ANKS1A: variants seen among roughly 807,000 people sequenced by gnomAD.
The protein encoded by ANKS1A is ankyrin repeat and SAM domain-containing protein 1A.
A neutral mutation model predicts 120.3 loss-of-function variants in ANKS1A; 55 were observed. That is an observed-to-expected ratio of 0.46 (90% confidence interval 0.37 to 0.57). The LOEUF is 0.57. Ranked by LOEUF, ANKS1A falls within the 20% of genes least tolerant of loss-of-function variation. The pLI, the probability that ANKS1A is intolerant of heterozygous loss-of-function variation, is 0.00. For synonymous variants in ANKS1A, 590 were observed against 604.7 expected (o/e 0.98, Z 0.36); for missense variants, 1,123 against 1,480.3 (o/e 0.76, Z 3.96).
intron 9 of ANKS1A, among the ~76,000 whole-genome samples, chr6:34,991,541 TAC>T (rs149416311): frequency 0.04 from 5,493 of 138,430 alleles, 410 homozygotes; most frequent in East Asian, 0.25. Flanking sequence ...AAAAAATATA[TAC>T]ACACACACAC....
rs146394927 is a variant in ANKS1A at position 34,977,732 on chromosome 6, C to T, written c.436-3958C>T. Among the ~76,000 whole-genome samples the T allele has an allele frequency of 7.3e-3, 1,116 of 152,186 alleles. 20 individuals are homozygous for T. The highest frequency in any genetic ancestry group is 0.026 in the African/African-American group (1,060 of 41,518). On this transcript the variant is annotated intron_variant, in intron 3 of 23. Transcript: ENST00000360359. ...TCCACATGATGGACTTGCTTTCATG[C>T]TTCTCCTGTGTCCTTTCAATCTCAG...
intron 12 of ANKS1A, among the ~76,000 whole-genome samples, chr6:35,056,960 C>G (rs1014818276): frequency 2.4e-4 from 37 of 151,888 alleles, no homozygotes; most frequent in African/African-American, 8.2e-4. Flanking sequence ...TTTATTTTGA[C>G]TGGTCAGTAT....
intron 11 of ANKS1A, among the ~76,000 whole-genome samples, chr6:35,035,675 C>T (rs1775129374): frequency 6.6e-6 from 1 of 152,220 alleles, no homozygotes; most frequent in Non-Finnish European, 1.5e-5. Context: ...TCAGAGGTTG[C>T]CAACCTGGGC....
intron 10 of ANKS1A, among the ~76,000 whole-genome samples, chr6:35,000,881 TA>T (rs910766742): frequency 3.6e-4 from 54 of 148,624 alleles, no homozygotes; most frequent in Non-Finnish European, 4.0e-4. Flanking sequence ...ATGTTAATTG[TA>T]AAAAAAAAAA....
intron 11 of ANKS1A, among the ~76,000 whole-genome samples, chr6:35,018,292 G>C (rs1312723782): frequency 6.6e-6 from 1 of 152,238 alleles, no homozygotes; most frequent in African/African-American, 2.4e-5. Flanking sequence ...CCCCAGCAGA[G>C]CAGGGCTGAG....
chr6:34,915,477 G>A (rs1768112042), intron 1 of ANKS1A, among the ~76,000 whole-genome samples: 1 of 152,092 alleles, frequency 6.6e-6, no homozygotes, highest in Non-Finnish European at 1.5e-5. Context: ...CTCCCGAGTA[G>A]CTAGGACTAC....
intron 11 of ANKS1A, among the ~76,000 whole-genome samples, chr6:35,029,782 T>G (rs187923745): frequency 0.011 from 1,612 of 148,376 alleles, 33 homozygotes; most frequent in African/African-American, 0.036. Flanking sequence ...TAATATATAC[T>G]TATATGTAAT....
At chr6:35,037,518 C>T (rs1554149746) in intron 11 of ANKS1A, among the ~76,000 whole-genome samples, 1 of 152,182 alleles carries the variant, frequency 6.6e-6, no homozygotes, top group Non-Finnish European at 1.5e-5. Context: ...ATTTGTTACC[C>T]AGCAGGTTAC....
intron 1 of ANKS1A, among the ~76,000 whole-genome samples, chr6:34,932,305 C>T (rs1769024335): frequency 1.3e-5 from 2 of 152,210 alleles, no homozygotes; most frequent in Admixed American, 1.3e-4. Context: ...CCTGCCTCAG[C>T]CTGCCGAGTA....
rs1418840481 is a variant in ANKS1A, at chr6:34,889,481, C to T, written c.79C>T (p.Arg27Trp). Reference sequence around the variant, plus strand: ...GGTGGAGAAGCTGCTGTCCGGGAAGCGGCTCTCCTCAGGCTTTGGGGGCGG... The same window carrying T: ...GGTGGAGAAGCTGCTGTCCGGGAAGTGGCTCTCCTCAGGCTTTGGGGGCGG... ...PAVEKLLSGK[R>W]LSSGFGGGGG... The change falls in exon 1 of 24, where the codon CGG becomes TGG. Residue 27 changes from arginine to tryptophan, a missense_variant. By Grantham distance (101) the Arg-to-Trp change is moderately radical (BLOSUM62 -3). This residue lies in a region of ANKS1A where 73 missense variants were observed against 82.2 expected (regional missense o/e 0.89). Coordinates refer to ENST00000360359, the MANE Select transcript of ANKS1A (RefSeq NM_015245.3). This position sits in a 1 kb window ranked among gnomAD's most constrained non-coding sequence, Gnocchi z 5.5. The T allele has an allele frequency of 7.8e-7, 1 of 1,284,128 alleles. No homozygotes were observed. The highest frequency in any genetic ancestry group is 3.1e-5 in the South Asian group (1 of 31,910). 79.5% of individuals were successfully genotyped at this position (1,284,128 alleles called of 1,614,324 possible). A position where few individuals can be genotyped will look rare whatever the true frequency, so the allele number is the denominator to read the frequency against.
At chr6:35,042,336 C>A (rs186920071) in intron 11 of ANKS1A, among the ~76,000 whole-genome samples, 1 of 152,088 alleles carries the variant, frequency 6.6e-6, no homozygotes, top group Admixed American at 6.6e-5. Context: ...ATGTCTCCCC[C>A]CTCTCATTTT....
chr6:34,992,531 T>G (rs1386465683), intron 9 of ANKS1A, among the ~76,000 whole-genome samples: 1 of 152,192 alleles, frequency 6.6e-6, no homozygotes, highest in South Asian at 2.1e-4. Flanking sequence ...CTGAATCAGA[T>G]TTCTAGGGCT....
intron 1 of ANKS1A, among the ~76,000 whole-genome samples, chr6:34,916,463 A>T (rs1472333622): frequency 2.0e-5 from 3 of 152,192 alleles, no homozygotes; most frequent in African/African-American, 7.2e-5. Flanking sequence ...CTGCTGCTGG[A>T]GACTGCTGTA....
At position 34,889,553 on chromosome 6, in the gene ANKS1A, G is replaced by A. The variant is rs1434887897; in HGVS notation, c.151G>A (p.Gly51Ser). The change falls in exon 1 of 24, where the codon GGC becomes AGC. Residue 51 changes from glycine to serine, a missense_variant. Transcript: ENST00000360359. The surrounding 1 kb of genome is among the most constrained non-coding windows in gnomAD (Gnocchi z 5.5). The stretch of plus-strand genomic sequence containing the variant: ...CGGCGGCGGCGGCAGCGGCGGCGGC[G>A]GCGGCGGCCTCGGCTCTTCCAGCCA... ...GGGGGGSGGGGGGLGSSSHPL... is the reference protein window; with the variant it reads ...GGGGGGSGGGSGGLGSSSHPL... 1 of 1,270,832 alleles carries A rather than the reference G, an allele frequency of 7.9e-7. No homozygotes were observed. The highest frequency in any genetic ancestry group is 9.8e-7 in the Non-Finnish European group (1 of 1,018,376). The allele number at this position is 1,270,832 out of a possible 1,614,324, so 78.7% of individuals were successfully genotyped here.
rs35680517 is a variant in ANKS1A at position 35,003,929 on chromosome 6, C to T, written c.1423+9507C>T. Among the ~76,000 whole-genome samples the T allele has an allele frequency of 6.7e-3, 1,016 of 152,262 alleles. 4 individuals carry two copies. The highest frequency in any genetic ancestry group is 0.016 in the South Asian group (77 of 4,812). On this transcript the variant is annotated intron_variant, in intron 10 of 23. Coordinates refer to ENST00000360359, the MANE Select transcript of ANKS1A (RefSeq NM_015245.3). ...TAGCCTGGCGCCTAGGAACCAGACC[C>T]GAAACCAAGGAACCAGACCTGAAAC...
Position 34,904,508 on chromosome 6 carries a change from C to T in ANKS1A, c.197+14909C>T, listed in dbSNP as rs563998091. 9.7e-4 allele frequency among the ~76,000 whole-genome samples: 148 copies of T among 151,956 alleles called. 1 individual carries two copies. The highest frequency in any genetic ancestry group is 1.9e-3 in the Non-Finnish European group (132 of 67,950). On this transcript the variant is annotated intron_variant, in intron 1 of 23. Coordinates refer to ENST00000360359, the MANE Select transcript of ANKS1A (RefSeq NM_015245.3). Reference sequence around the variant, plus strand: ...CAGCACTTTGGGAGGCTGAGGTGGGCGGATCACGAGGTCAAGAGATTGAGA... The same window carrying T: ...CAGCACTTTGGGAGGCTGAGGTGGGTGGATCACGAGGTCAAGAGATTGAGA...
downstream of ANKS1A, among the ~76,000 whole-genome samples, chr6:35,092,196 C>T (rs926331375): frequency 5.3e-5 from 8 of 152,206 alleles, no homozygotes; most frequent in Non-Finnish European, 1.2e-4. Flanking sequence ...GGTCCAGTGG[C>T]TCCAGCTGCC....
At chr6:34,997,097 C>CA (rs533505708) in intron 10 of ANKS1A, among the ~76,000 whole-genome samples, 320 of 151,914 alleles carry the variant, frequency 2.1e-3, no homozygotes, top group Non-Finnish European at 3.8e-3. Context: ...TTGATTTCTA[C>CA]AAAAAGTCCT....
At chr6:35,008,630 T>G (rs1773584850) in intron 10 of ANKS1A, among the ~76,000 whole-genome samples, 1 of 152,248 alleles carries the variant, frequency 6.6e-6, no homozygotes, top group Non-Finnish European at 1.5e-5. Flanking sequence ...GTGGAACAAG[T>G]CCAAGCCTTA....
Sources: gnomAD v4.1 joint callset for allele counts (sites outside exome capture counted in the v4.1 genomes callset) on GRCh38, gnomAD v4.1.1 for gene constraint, gnomAD v4.1.1 regional missense constraint, Gnocchi (gnomAD v3.1) non-coding constraint, MANE v1.5 for transcripts, NCBI Gene and HGNC (gene_info 2026-07-23, HGNC 2026-07-21) for gene names.